The following DRAM1 variants were observed in gnomAD, a reference collection of about 807,000 sequenced individuals.
The protein encoded by DRAM1 is DNA damage regulated autophagy modulator 1, also known as DNA damage-regulated autophagy modulator protein 1.
DRAM1 carries 25 observed loss-of-function variants against 28.5 expected under a neutral mutation model. The observed-to-expected ratio is 0.88, with a 90% CI of 0.64 to 1.23. DRAM1 has a LOEUF of 1.23. DRAM1 is among the 50% of genes most tolerant of loss of function. The pLI is 0.00. For missense variants in DRAM1, 249 were observed against 299.2 expected (o/e 0.83, Z 1.24); for synonymous variants, 113 against 114.2 (o/e 0.99, Z 0.07).
intron 1 of DRAM1, among the ~76,000 whole-genome samples, chr12:101,885,304 T>TG (rs1872846394): frequency 6.6e-6 from 1 of 152,230 alleles, no homozygotes; most frequent in African/African-American, 2.4e-5. Context: ...CTTCTTCTCT[T>TG]TTTGTTTGTT....
intron 1 of DRAM1, among the ~76,000 whole-genome samples, chr12:101,886,943 C>G (rs769827495): frequency 3.3e-5 from 5 of 152,010 alleles, no homozygotes; most frequent in Non-Finnish European, 7.4e-5. Context: ...GTCAGGAGTT[C>G]AATACCAGCC....
chr12:101,894,048 A>G (rs922123851), intron 1 of DRAM1, among the ~76,000 whole-genome samples: 2 of 152,092 alleles, frequency 1.3e-5, no homozygotes. Flanking sequence ...TTTCCACCTT[A>G]GCCTCCCAAG....
intron 1 of DRAM1, 147 bp downstream of exon 1, chr12:101,878,067 T>C (rs1281694288): frequency 8.7e-7 from 1 of 1,151,970 alleles, no homozygotes; most frequent in Non-Finnish European, 1.1e-6. Flanking sequence ...GTGCTCCCGA[T>C]AGCCTGGGAT....
chr12:101,892,604 A>T (rs1205299224), intron 1 of DRAM1, among the ~76,000 whole-genome samples: 1 of 152,034 alleles, frequency 6.6e-6, no homozygotes, highest in Non-Finnish European at 1.5e-5. Context: ...ATTGTTCTTA[A>T]AAGTTTTGAA....
intron 1 of DRAM1, among the ~76,000 whole-genome samples, chr12:101,894,142 G>A (rs1487273463): frequency 6.6e-6 from 1 of 151,822 alleles, no homozygotes; most frequent in African/African-American, 2.4e-5. Flanking sequence ...TTTTGAGACA[G>A]AGTCTCATGC....
At chr12:101,907,507 G>A (rs1053009151) in intron 3 of DRAM1, among the ~76,000 whole-genome samples, 2 of 152,132 alleles carry the variant, frequency 1.3e-5, no homozygotes, top group African/African-American at 2.4e-5. Context: ...TTGGGAGGCC[G>A]AGGTGGACGG....
chr12:101,898,617 AAGTCACC>A (rs2121089719), intron 2 of DRAM1, among the ~76,000 whole-genome samples: 1 of 152,278 alleles, frequency 6.6e-6, no homozygotes, highest in East Asian at 1.9e-4. Flanking sequence ...AGCTGATGAA[AAGTCACC>A]TGGAGTTCTC....
intron 3 of DRAM1, among the ~76,000 whole-genome samples, chr12:101,907,609 C>T (rs899093114): frequency 6.6e-6 from 1 of 151,890 alleles, no homozygotes; most frequent in East Asian, 1.9e-4. Flanking sequence ...CGTGGTGGCA[C>T]GTGCCTGTAA....
chr12:101,879,871 G>C lies in DRAM1; in HGVS notation c.131+1951G>C, dbSNP rs562724566. On this transcript the variant is annotated intron_variant, in intron 1 of 6. Transcript: ENST00000258534. ...TAGCTGGGCGTGGTGGTGCACGCCTGTAGTCCCAGCTACTCGGGAGGCTGA... is the reference window on the plus strand; with the variant it reads ...TAGCTGGGCGTGGTGGTGCACGCCTCTAGTCCCAGCTACTCGGGAGGCTGA... 9.7e-4 allele frequency among the ~76,000 whole-genome samples: 148 copies of C among 152,106 alleles called. 1 individual carries two copies. The highest frequency in any genetic ancestry group is 3.4e-3 in the African/African-American group (143 of 41,498).
chr12:101,896,061 A>G (rs1873358236), intron 1 of DRAM1, among the ~76,000 whole-genome samples: 1 of 147,648 alleles, frequency 6.8e-6, no homozygotes, highest in South Asian at 2.2e-4. Context: ...TAATTTTTGT[A>G]TTTTTTAGTA....
intron 3 of DRAM1, 52 bp downstream of exon 3, chr12:101,901,485 G>T: frequency 2.5e-6 from 4 of 1,586,806 alleles, no homozygotes; most frequent in Non-Finnish European, 3.4e-6. Context: ...GTATGTGTCT[G>T]AAGAGAGCAG....
chr12:101,917,866 AAGTG>A (rs1874318213), intron 5 of DRAM1, among the ~76,000 whole-genome samples: 1 of 152,154 alleles, frequency 6.6e-6, no homozygotes, highest in Admixed American at 6.6e-5. Flanking sequence ...CTCTTTCTGA[AAGTG>A]AGACCGCATA....
rs149559166 is a variant in DRAM1, at chr12:101,903,860, T to C, written c.342+2427T>C. Among the ~76,000 whole-genome samples the C allele has an allele frequency of 1.1e-3, 161 of 149,688 alleles. 1 individual carries two copies. The East Asian group carries it at 0.027, about 25-fold the overall frequency. On this transcript the variant is annotated intron_variant, in intron 3 of 6. Coordinates refer to ENST00000258534, the MANE Select transcript of DRAM1 (RefSeq NM_018370.3). The stretch of plus-strand genomic sequence containing the variant: ...AGGAGGAATGCTTTAGCCCAGGAGT[T>C]TGAGACTAGTCTGGGCAACATAGGG...
At chr12:101,887,563 CTCTG>C (rs1872934782) in intron 1 of DRAM1, among the ~76,000 whole-genome samples, 1 of 150,542 alleles carries the variant, frequency 6.6e-6, no homozygotes. Flanking sequence ...CGAAGTCTCA[CTCTG>C]TCACCCAGGC....
At chr12:101,906,415 AG>A (rs1873810695) in intron 3 of DRAM1, among the ~76,000 whole-genome samples, 1 of 152,132 alleles carries the variant, frequency 6.6e-6, no homozygotes, top group Non-Finnish European at 1.5e-5. Flanking sequence ...GCTGAGGCCA[AG>A]GGGTGGCCTG....
At chr12:101,908,110 C>A in intron 3 of DRAM1, 76 bp from the exon 4 acceptor site, 1 of 1,318,606 alleles carries the variant, frequency 7.6e-7, no homozygotes, top group Non-Finnish European at 1.0e-6. Context: ...CTCAAAGCAG[C>A]CCAGAGTGAG....
chr12:101,887,747 C>T (rs1211436187), intron 1 of DRAM1, among the ~76,000 whole-genome samples: 1 of 151,974 alleles, frequency 6.6e-6, no homozygotes, highest in Non-Finnish European at 1.5e-5. Context: ...CCATGTTGGC[C>T]AGGCTGGTCT....
chr12:101,908,152 C>G (rs981132062), intron 3 of DRAM1, 34 bp from the exon 4 acceptor site: 3 of 1,568,776 alleles, frequency 1.9e-6, no homozygotes, highest in African/African-American at 1.4e-5. Context: ...ACAAACCCAC[C>G]CAGAGTAACA....
At chr12:101,878,067 T>A in intron 1 of DRAM1, 147 bp downstream of exon 1, 1 of 1,152,094 alleles carries the variant, frequency 8.7e-7, no homozygotes, top group Non-Finnish European at 1.1e-6. Flanking sequence ...GTGCTCCCGA[T>A]AGCCTGGGAT....
Sources: allele counts gnomAD v4.1 joint callset (sites outside exome capture counted in the v4.1 genomes callset), GRCh38; gene constraint gnomAD v4.1.1; transcripts MANE v1.5; gene names NCBI Gene and HGNC (gene_info 2026-07-23, HGNC 2026-07-21).